Variants in CIB1 observed in about 807,000 individuals in gnomAD.
CIB1 encodes the protein calcium and integrin binding 1.
Under a neutral mutation model 25.0 loss-of-function variants are expected in CIB1, and 19 were observed. The observed-to-expected ratio is 0.76, with a 90% confidence interval of 0.53 to 1.12. The LOEUF (loss-of-function observed/expected upper bound fraction) is 1.12, where lower values mean the gene tolerates loss of function less well. Among genes scored for constraint, CIB1 ranks in the 50% most tolerant of loss-of-function variants. The pLI is 0.00. For synonymous variants in CIB1, 104 were observed against 98.5 expected (o/e 1.06, Z -0.33); for missense variants, 236 against 242.6 (o/e 0.97, Z 0.18).
chr15:90,247,120 C>T, the CIB1 span, among the ~76,000 whole-genome samples: 2 of 151,764 alleles, frequency 1.3e-5, no homozygotes, highest in Non-Finnish European at 2.9e-5. Flanking sequence ...AGACTACAGG[C>T]GTGCGCCACC....
At chr15:90,251,495 A>T in the CIB1 span, 1 of 1,503,600 alleles carries the variant, frequency 6.7e-7, no homozygotes, top group Non-Finnish European at 9.3e-7. Context: ...ATGTCTTTTC[A>T]TCTGAGTACC....
chr15:90,256,323 C>G, the CIB1 span: 2 of 1,613,660 alleles, frequency 1.2e-6, no homozygotes, highest in Non-Finnish European at 1.7e-6. Flanking sequence ...GGACCATCAG[C>G]CTTCCCTAGT....
the CIB1 span, chr15:90,245,484 A>AAAG: frequency 6.6e-6 from 1 of 151,720 alleles, no homozygotes; most frequent in African/African-American, 2.4e-5. Flanking sequence ...AAAAAAAAAA[A>AAAG]AAAGAAAAAA....
At chr15:90,259,281 T>G in the CIB1 span, among the ~76,000 whole-genome samples, 1 of 152,016 alleles carries the variant, frequency 6.6e-6, no homozygotes, top group Admixed American at 6.6e-5. Context: ...TCCCAGCTAC[T>G]CAGGAGGCTG....
the CIB1 span, among the ~76,000 whole-genome samples, chr15:90,252,043 C>CTTTTTTT: frequency 7.5e-6 from 1 of 133,472 alleles, no homozygotes; most frequent in Non-Finnish European, 1.6e-5. Context: ...TCACCTAATT[C>CTTTTTTT]TTTTTTTTTT....
upstream of CIB1, chr15:90,234,026 A>C: frequency 7.9e-5 from 75 of 946,370 alleles, no homozygotes; most frequent in Non-Finnish European, 1.0e-4. Flanking sequence ...CCCCTCCTAA[A>C]AGCTGCCAGG....
chr15:90,234,033 C>G (rs896661176), upstream of CIB1: 40 of 929,254 alleles, frequency 4.3e-5, no homozygotes, highest in Non-Finnish European at 6.1e-5. Flanking sequence ...TAAAAGCTGC[C>G]AGGCGTTCCC....
chr15:90,264,187 C>T, the CIB1 span: 1 of 635,074 alleles, frequency 1.6e-6, no homozygotes, highest in Non-Finnish European at 2.7e-6. Context: ...TTAGGGTACC[C>T]ATTTATTTAC....
the CIB1 span, among the ~76,000 whole-genome samples, chr15:90,254,361 C>T: frequency 5.3e-5 from 8 of 151,206 alleles, no homozygotes; most frequent in East Asian, 1.4e-3. Context: ...GGCATGGTGG[C>T]GCACACTTGT....
upstream of CIB1, among the ~76,000 whole-genome samples, chr15:90,235,691 C>G (rs867901650): frequency 1.3e-5 from 2 of 151,764 alleles, no homozygotes; most frequent in African/African-American, 2.4e-5. Context: ...CCTTAGCCTC[C>G]CCAGCAGCTG....
the CIB1 span, chr15:90,255,635 T>G: frequency 6.9e-7 from 1 of 1,438,886 alleles, no homozygotes; most frequent in Non-Finnish European, 9.6e-7. Context: ...GGTGCAGTGC[T>G]TACCTCCACT....
chr15:90,265,421 G>A, the CIB1 span: 2 of 1,283,204 alleles, frequency 1.6e-6, no homozygotes, highest in Admixed American at 4.0e-5. Flanking sequence ...CCGCTGGGGC[G>A]GAGGGACGGC....
the CIB1 span, among the ~76,000 whole-genome samples, chr15:90,252,128 C>G: frequency 6.6e-6 from 1 of 151,166 alleles, no homozygotes; most frequent in East Asian, 2.0e-4. Context: ...CAACCTCCAC[C>G]ACCCAGGTTC....
At chr15:90,247,198 ACTCCTGACCTCGTGATC>A in the CIB1 span, among the ~76,000 whole-genome samples, 3 of 149,326 alleles carry the variant, frequency 2.0e-5, no homozygotes, top group Admixed American at 6.6e-5. Context: ...CTGGTCTCGA[ACTCCTGACCTCGTGATC>A]CACCTGCCTC....
At chr15:90,256,120 C>T in the CIB1 span, 6 of 1,611,744 alleles carry the variant, frequency 3.7e-6, no homozygotes, top group Admixed American at 1.0e-4. Flanking sequence ...AACCTTTTGA[C>T]CAGGCCCTCT....
At chr15:90,258,223 G>C in the CIB1 span, 3 of 1,614,202 alleles carry the variant, frequency 1.9e-6, no homozygotes, top group South Asian at 1.1e-5. Flanking sequence ...GAAATCCTTG[G>C]TTTTGACATC....
the CIB1 span, among the ~76,000 whole-genome samples, chr15:90,248,945 T>TTAA: frequency 6.6e-6 from 1 of 152,078 alleles, no homozygotes; most frequent in Non-Finnish European, 1.5e-5. Context: ...TGGTTATTCC[T>TTAA]TAATGGAGCT....
chr15:90,252,228 A>G, the CIB1 span, among the ~76,000 whole-genome samples: 41,383 of 151,796 alleles, frequency 0.27, 6,557 homozygotes, highest in East Asian at 0.69. Context: ...TAGTAGACAG[A>G]GTTTCTCCAT....
chr15:90,240,745 G>A, the CIB1 span: 27 of 576,586 alleles, frequency 4.7e-5, no homozygotes, highest in East Asian at 5.3e-4. Context: ...CCCAGGAGGC[G>A]GAGGTTACAG....
Sources: gnomAD v4.1 joint callset for allele counts (sites outside exome capture counted in the v4.1 genomes callset) on GRCh38, gnomAD v4.1.1 for gene constraint, MANE v1.5 for transcripts, NCBI Gene and HGNC (gene_info 2026-07-23, HGNC 2026-07-21) for gene names.